EIPR1: variants seen among roughly 807,000 people sequenced by gnomAD.
The protein encoded by EIPR1 is EARP complex and GARP complex interacting protein 1.
Under a neutral mutation model 48.1 loss-of-function variants are expected in EIPR1, and 25 were observed. The ratio of observed to expected loss-of-function variants is 0.52; its 90% CI spans 0.38 to 0.73. The LOEUF is 0.73. EIPR1 is among the 30% of genes least tolerant of loss of function. The probability of loss-of-function intolerance (pLI) is 0.00; values close to 1 mark genes in which losing one functional copy is unlikely to be tolerated. For missense variants in EIPR1, 415 were observed against 506.2 expected (o/e 0.82, Z 1.73); for synonymous variants, 204 against 201.9 (o/e 1.01, Z -0.09).
chr2:3,347,511 T>C (rs1206245159), intron 2 of EIPR1, among the ~76,000 whole-genome samples: 1 of 152,190 alleles, frequency 6.6e-6, no homozygotes, highest in Non-Finnish European at 1.5e-5. Context: ...CCTTCCACCA[T>C]GATTGTGAGG....
intron 1 of EIPR1, among the ~76,000 whole-genome samples, chr2:3,361,350 A>G (rs970113513): frequency 1.3e-5 from 2 of 152,016 alleles, no homozygotes; most frequent in African/African-American, 4.8e-5. Context: ...AACTCACTTC[A>G]CAGGTCCCCA....
chr2:3,256,529 T>A (rs899109065), intron 4 of EIPR1, among the ~76,000 whole-genome samples: 18 of 152,218 alleles, frequency 1.2e-4, no homozygotes, highest in Admixed American at 9.2e-4. Flanking sequence ...ATTTAATTGG[T>A]AGAACTGACG....
intron 3 of EIPR1, chr2:3,320,102 A>AGGGCAACACCGCCCCTGG (rs1162320096): frequency 2.2e-4 from 35 of 159,640 alleles, no homozygotes; most frequent in African/African-American, 1.8e-4. Context: ...ACCTGCAGGC[A>AGGGCAACACCGCCCCTGG]GGGCAACACC....
intron 3 of EIPR1, among the ~76,000 whole-genome samples, chr2:3,293,374 T>C: frequency 6.6e-6 from 1 of 152,316 alleles, no homozygotes; most frequent in East Asian, 1.9e-4. Context: ...AATGCTGCTA[T>C]AGCCTGTGAG....
intron 2 of EIPR1, 126 bp downstream of exon 2, chr2:3,354,424 T>G: frequency 1.3e-6 from 1 of 795,336 alleles, no homozygotes; most frequent in Non-Finnish European, 2.0e-6. Flanking sequence ...TAAATCCAAA[T>G]GAAAGTTTTA....
chr2:3,245,244 G>C (rs1449786918), intron 4 of EIPR1, among the ~76,000 whole-genome samples: 1 of 152,034 alleles, frequency 6.6e-6, no homozygotes, highest in Non-Finnish European at 1.5e-5. Context: ...ATGGGGTCTT[G>C]CTCTGTCACC....
chr2:3,201,974 C>T (rs566459420), intron 5 of EIPR1, among the ~76,000 whole-genome samples: 13 of 152,150 alleles, frequency 8.5e-5, no homozygotes, highest in Middle Eastern at 3.4e-3. Flanking sequence ...TCTCACTCTG[C>T]CACCCAGGCT....
chr2:3,299,239 C>G (rs1015696654), intron 3 of EIPR1, among the ~76,000 whole-genome samples: 1 of 152,178 alleles, frequency 6.6e-6, no homozygotes. Flanking sequence ...CCATGGACTG[C>G]CCCCTGTCCT....
rs575571457 is a variant in EIPR1 at position 3,343,139 on chromosome 2, C to T, written c.127-4990G>A. On this transcript the variant is annotated intron_variant, in intron 2 of 8. Coordinates refer to ENST00000382125, the MANE Select transcript of EIPR1 (RefSeq NM_003310.5). ...ACGGCACAGCCAGGCCTACAGGAGC[C>T]CCTGGTCCTGGCATGCGAGCTCTGC... Among the ~76,000 whole-genome samples the T allele has an allele frequency of 5.3e-5, 8 of 152,322 alleles. No individual in the cohort carries two copies. In the South Asian group the frequency reaches 1.7e-3, roughly 32 times the overall value.
intron 3 of EIPR1, among the ~76,000 whole-genome samples, chr2:3,336,240 G>A (rs889885587): frequency 3.9e-5 from 6 of 152,204 alleles, no homozygotes; most frequent in African/African-American, 1.2e-4. Flanking sequence ...GTCTGAGGAA[G>A]TGAAGCCTCA....
intron 3 of EIPR1, among the ~76,000 whole-genome samples, chr2:3,271,194 T>C (rs950977873): frequency 2.6e-5 from 4 of 152,222 alleles, no homozygotes; most frequent in Non-Finnish European, 4.4e-5. Context: ...CTACCACAAC[T>C]GCAGTTACTT....
At chr2:3,269,574 G>A (rs36174472) in intron 3 of EIPR1, among the ~76,000 whole-genome samples, 18,757 of 75,596 alleles carry the variant, frequency 0.25, 4,190 homozygotes, top group East Asian at 0.41. Context: ...ATCGCACTCA[G>A]TCATCGCACT....
intron 3 of EIPR1, among the ~76,000 whole-genome samples, chr2:3,287,934 C>T (rs1286561392): frequency 6.6e-6 from 1 of 152,118 alleles, no homozygotes; most frequent in Non-Finnish European, 1.5e-5. Flanking sequence ...GGGCCAAGGT[C>T]GTGTGCAGAG....
intron 1 of EIPR1, among the ~76,000 whole-genome samples, chr2:3,374,113 A>G (rs1659790820): frequency 6.7e-6 from 1 of 149,376 alleles, no homozygotes; most frequent in East Asian, 2.0e-4. Flanking sequence ...AACCTGACAA[A>G]AACAAGCAAT....
intron 4 of EIPR1, among the ~76,000 whole-genome samples, chr2:3,240,238 T>TAAAGCAAAGCCAGCAGATCCC (rs2103184471): frequency 2.7e-5 from 2 of 74,908 alleles, no homozygotes; most frequent in East Asian, 8.3e-4. Flanking sequence ...CAGCAGACCC[T>TAAAGCAAAGCCAGCAGATCCC]TCCTAAAGCA....
intron 2 of EIPR1, among the ~76,000 whole-genome samples, chr2:3,344,107 C>A (rs781275736): frequency 6.6e-6 from 1 of 152,156 alleles, no homozygotes; most frequent in Non-Finnish European, 1.5e-5. Flanking sequence ...TCAAGAGGCA[C>A]CCGCCTAGGG....
chr2:3,337,549 AG>A (rs1448395065), intron 3 of EIPR1, among the ~76,000 whole-genome samples: 1 of 152,184 alleles, frequency 6.6e-6, no homozygotes, highest in East Asian at 1.9e-4. Context: ...AAGGTCCCAG[AG>A]CTCCAAGAGC....
chr2:3,327,141 G>A (rs568853558), intron 3 of EIPR1, among the ~76,000 whole-genome samples: 7 of 152,328 alleles, frequency 4.6e-5, no homozygotes, highest in South Asian at 4.1e-4. Context: ...AGGGTAGAGC[G>A]GGGCCTTCAG....
rs1020067460 is a variant in EIPR1 at position 3,377,756 on chromosome 2, C to G, written c.-67G>C. Reference sequence around the variant, plus strand: ...GGACCTCGCTACGGCCGGCGCGTCCCCACCTCGCGGGCGTGTTCCCAGCGC... The same window carrying G: ...GGACCTCGCTACGGCCGGCGCGTCCGCACCTCGCGGGCGTGTTCCCAGCGC... On this transcript the variant is annotated 5_prime_UTR_variant, in exon 1 of 9. Transcript: ENST00000382125. 1 of 1,540,838 alleles carries G rather than the reference C, an allele frequency of 6.5e-7. No homozygotes were observed. The highest frequency in any genetic ancestry group is 8.8e-7 in the Non-Finnish European group (1 of 1,139,272).
Sources: allele counts gnomAD v4.1 joint callset (sites outside exome capture counted in the v4.1 genomes callset), GRCh38; gene constraint gnomAD v4.1.1; transcripts MANE v1.5; gene names NCBI Gene and HGNC (gene_info 2026-07-23, HGNC 2026-07-21).